Variants in ABCA9 observed in about 807,000 individuals in gnomAD.
ABCA9 encodes the protein ATP binding cassette subfamily A member 9, also known as ATP-binding cassette sub-family A member 9.
Under a neutral mutation model 205.3 loss-of-function variants are expected in ABCA9, and 183 were observed. The ratio of observed to expected loss-of-function variants is 0.89; its 90% confidence interval spans 0.79 to 1.01. The LOEUF (loss-of-function observed/expected upper bound fraction) is 1.01, where lower values mean the gene tolerates loss of function less well. Among genes scored for constraint, ABCA9 ranks in the 50% least tolerant of loss-of-function variants. The pLI is 0.00. For missense variants in ABCA9, 1,805 were observed against 1,912.4 expected (o/e 0.94, Z 1.05); for synonymous variants, 651 against 683.3 (o/e 0.95, Z 0.74).
Position 69,005,862 on chromosome 17 carries a change from A to G in ABCA9, c.3435+1897T>C, listed in dbSNP as rs1029365678. 1.1e-4 allele frequency among the ~76,000 whole-genome samples: 16 copies of G among 152,320 alleles called. No individual in the cohort carries two copies. The South Asian group carries it at 2.5e-3, about 24-fold the overall frequency. On this transcript the variant is annotated intron_variant, in intron 25 of 38. Transcript: ENST00000340001. ...TGCTGTTGTGTATTATTTGCTAAAC[A>G]AATAAGGAGACTTCCATTTTCTGCA... is the stretch of plus-strand genomic sequence containing the variant.
At position 68,984,923 on chromosome 17, in the gene ABCA9, C is replaced by T. The variant is rs765874813; in HGVS notation, c.4341G>A (p.Pro1447=). 40 of 1,614,166 alleles carry T rather than the reference C, an allele frequency of 2.5e-5. No individual in the cohort carries two copies. Among genetic ancestry groups the T allele is most frequent in the African/African-American group, 6.7e-5 (5 of 75,034 alleles). ...GNPSVVLLDE[P]STGMDPEGQQ... is the part of the protein sequence containing the mutation. The stretch of plus-strand genomic sequence containing the variant: ...GCCCCTCGGGGTCCATCCCGGTCGA[C>T]GGCTCATCCAGAAGCACCACTGACG... The change falls in exon 34 of 39, where the codon CCG becomes CCA. Residue 1447 remains proline (P), a synonymous_variant. Transcript: ENST00000340001.
intron 3 of ABCA9, among the ~76,000 whole-genome samples, chr17:69,046,875 CTATATATATATATA>C (rs71144650): frequency 0.46 from 58,418 of 127,742 alleles, 15,098 homozygotes; most frequent in Non-Finnish European, 0.59. Flanking sequence ...CGATTTTATA[CTATATATATATATA>C]TATATATATA....
chr17:69,057,343 G>T lies in ABCA9; in HGVS notation c.-14+3523C>A, dbSNP rs893859563. On this transcript the variant is annotated intron_variant, in intron 1 of 38. Coordinates refer to ENST00000340001, the MANE Select transcript of ABCA9 (RefSeq NM_080283.4). Reference sequence around the variant, plus strand: ...TGTTGCTCTGCTATTTTCAATGAGAGACAATCACCCATGCCTGCCTGCTTA... The same window carrying T: ...TGTTGCTCTGCTATTTTCAATGAGATACAATCACCCATGCCTGCCTGCTTA... 1.2e-4 allele frequency among the ~76,000 whole-genome samples: 18 copies of T among 152,166 alleles called. 1 individual carries two copies. Among genetic ancestry groups the T allele is most frequent in the Non-Finnish European group, 2.4e-4 (16 of 68,036 alleles).
intron 5 of ABCA9, 105 bp downstream of exon 5, chr17:69,044,392 C>G: frequency 1.1e-6 from 1 of 935,152 alleles, no homozygotes; most frequent in East Asian, 2.7e-5. Context: ...GTATATTGTG[C>G]CTTATTAATG....
chr17:69,011,950 CAT>C (rs763481169), intron 23 of ABCA9, 24 bp downstream of exon 23: 3 of 1,528,730 alleles, frequency 2.0e-6, no homozygotes, highest in South Asian at 1.2e-5. Context: ...ATATAAAAAA[CAT>C]GTGAAGACTT....
upstream of ABCA9, among the ~76,000 whole-genome samples, chr17:69,063,635 T>C (rs1225185942): frequency 6.6e-6 from 1 of 152,160 alleles, no homozygotes; most frequent in African/African-American, 2.4e-5. Flanking sequence ...GTGTGTGACG[T>C]GATCTCTGCT....
chr17:69,012,215 C>G (rs1045958461), intron 22 of ABCA9, 132 bp from the exon 23 acceptor site: 1 of 567,916 alleles, frequency 1.8e-6, no homozygotes, highest in South Asian at 2.6e-5. Flanking sequence ...CTATATGCAA[C>G]TTCTTACCCA....
intron 25 of ABCA9, among the ~76,000 whole-genome samples, chr17:68,997,594 C>CT: frequency 0.056 from 7,078 of 125,328 alleles, 233 homozygotes; most frequent in Non-Finnish European, 0.086. Context: ...TATTTTTTTT[C>CT]TTTTTTTTTT....
At chr17:68,980,481 C>T (rs542151863) in intron 37 of ABCA9, among the ~76,000 whole-genome samples, 1 of 152,162 alleles carries the variant, frequency 6.6e-6, no homozygotes, top group Admixed American at 6.5e-5. Flanking sequence ...AAGACACATG[C>T]ACACGTATGT....
At chr17:69,009,297 G>T (rs2070283168) in intron 23 of ABCA9, among the ~76,000 whole-genome samples, 1 of 152,118 alleles carries the variant, frequency 6.6e-6, no homozygotes, top group South Asian at 2.1e-4. Flanking sequence ...GGTCAGAGAA[G>T]GTTCCCTTGT....
chr17:69,011,914 G>A (rs1001194974), intron 23 of ABCA9, 62 bp downstream of exon 23: 23 of 1,119,134 alleles, frequency 2.1e-5, no homozygotes, highest in African/African-American at 1.9e-4. Flanking sequence ...ATTTATAGTC[G>A]TAAGGGTGTG....
At chr17:69,007,911 T>A in intron 24 of ABCA9, 39 bp from the exon 25 acceptor site, 1 of 1,462,484 alleles carries the variant, frequency 6.8e-7, no homozygotes, top group Non-Finnish European at 9.5e-7. Context: ...AGGTAAATAC[T>A]ATCTAGAAGA....
In ABCA9 at chr17:68,976,146, T is replaced by G. The variant is rs1282765334; in HGVS notation, c.4765A>C (p.Thr1589Pro). 6.2e-7 allele frequency: 1 copy of G among 1,614,074 alleles called. No homozygotes were observed. Among genetic ancestry groups the G allele is most frequent in the Non-Finnish European group, 8.5e-7 (1 of 1,179,906 alleles). ...DLEEYSLSQS[T>P]LEQVFLELSK... ...TAAAAATGACCCACCTGCTCCAGGG[T>G]AGACTGTGAGAGGCTGTACTCCTCC... Residue 1589 changes from threonine (T) to proline (P), a missense_variant, in exon 38 of 39, where the codon ACC becomes CCC. Thr to Pro is a conservative substitution (Grantham distance 38, BLOSUM62 -1). Coordinates refer to ENST00000340001, the MANE Select transcript of ABCA9 (RefSeq NM_080283.4).
Position 69,017,705 on chromosome 17 carries a change from G to C in ABCA9, c.2852C>G (p.Thr951Arg). The C allele has an allele frequency of 6.2e-7, 1 of 1,613,392 alleles. No homozygotes were observed. ...EVDAFGTRNG[T>R]DDPSYNGAII... ...AGCACCATTGTAAGATGGGTCATCT[G>C]TGCCATTTCTAGTTCCAAAGGCATC... The change falls in exon 21 of 39, where the codon ACA becomes AGA. Residue 951 changes from threonine (T) to arginine (R), a missense_variant. Coordinates refer to ENST00000340001, the MANE Select transcript of ABCA9 (RefSeq NM_080283.4).
chr17:69,078,876 T>G, the ABCA9 span: 1 of 696,192 alleles, frequency 1.4e-6, no homozygotes, highest in African/African-American at 1.9e-5. Flanking sequence ...ATACCTGATG[T>G]TAATTTTAAA....
At chr17:69,031,283 G>C (rs1247485818) in intron 10 of ABCA9, among the ~76,000 whole-genome samples, 1 of 152,140 alleles carries the variant, frequency 6.6e-6, no homozygotes, top group South Asian at 2.1e-4. Flanking sequence ...ATAAAACTTA[G>C]AGTTCCAGCT....
At chr17:69,001,062 CAA>C (rs2069847272) in intron 25 of ABCA9, among the ~76,000 whole-genome samples, 2 of 152,112 alleles carry the variant, frequency 1.3e-5, no homozygotes, top group Non-Finnish European at 2.9e-5. Flanking sequence ...ATGTCATCTG[CAA>C]ACAGGGACAA....
At chr17:69,041,501 C>CA (rs1486585214) in intron 6 of ABCA9, among the ~76,000 whole-genome samples, 1 of 151,982 alleles carries the variant, frequency 6.6e-6, no homozygotes, top group Non-Finnish European at 1.5e-5. Context: ...GTCAGGAGTT[C>CA]AAGACCAGCC....
chr17:69,062,998 A>G (rs2072294296), upstream of ABCA9, among the ~76,000 whole-genome samples: 1 of 152,198 alleles, frequency 6.6e-6, no homozygotes, highest in African/African-American at 2.4e-5. Flanking sequence ...GAATAATCCC[A>G]TGAGGTAGGC....
Sources: gnomAD v4.1 joint callset for allele counts (sites outside exome capture counted in the v4.1 genomes callset) on GRCh38, gnomAD v4.1.1 for gene constraint, MANE v1.5 for transcripts, NCBI Gene and HGNC (gene_info 2026-07-23, HGNC 2026-07-21) for gene names.